The following ARID5B variants were observed in gnomAD, a reference collection of about 807,000 sequenced individuals.
The protein encoded by ARID5B is AT-rich interaction domain 5B.
Under a neutral mutation model 97.2 loss-of-function variants are expected in ARID5B, and 13 were observed. The observed-to-expected ratio is 0.13, with a 90% CI of 0.09 to 0.21. ARID5B has a LOEUF of 0.21. ARID5B is among the 10% of genes least tolerant of loss of function. The probability of loss-of-function intolerance (pLI) is 1.00; values close to 1 mark genes in which losing one functional copy is unlikely to be tolerated. For missense variants in ARID5B, 1,210 were observed against 1,465.3 expected, an observed-to-expected ratio of 0.83 and a Z score of 2.84; for synonymous variants, 556 against 570.3, an observed-to-expected ratio of 0.97 and a Z score of 0.36.
intron 4 of ARID5B, among the ~76,000 whole-genome samples, chr10:62,009,338 C>T (rs1839187584): frequency 6.6e-6 from 1 of 152,196 alleles, no homozygotes; most frequent in Non-Finnish European, 1.5e-5. Flanking sequence ...AGTGCTTATA[C>T]ATTCATTCCT....
intron 3 of ARID5B, among the ~76,000 whole-genome samples, chr10:61,946,478 A>G (rs568568346): frequency 1.3e-5 from 2 of 152,300 alleles, no homozygotes; most frequent in African/African-American, 4.8e-5. Context: ...TATATTAAAG[A>G]GTCTTTTGAA....
intron 3 of ARID5B, among the ~76,000 whole-genome samples, chr10:61,950,016 CT>C (rs574859860): frequency 1.3e-5 from 2 of 151,254 alleles, no homozygotes; most frequent in Non-Finnish European, 1.5e-5. Context: ...ATGTTTTGTT[CT>C]TTTTTTTTGA....
intron 4 of ARID5B, among the ~76,000 whole-genome samples, chr10:62,014,421 T>G (rs1839257548): frequency 6.6e-6 from 1 of 152,152 alleles, no homozygotes; most frequent in Admixed American, 6.5e-5. Flanking sequence ...AGGCAGCGTG[T>G]GGTAAGAAGT....
At chr10:61,923,749 C>T (rs1022937316) in intron 2 of ARID5B, among the ~76,000 whole-genome samples, 1 of 152,132 alleles carries the variant, frequency 6.6e-6, no homozygotes, top group African/African-American at 2.4e-5. Flanking sequence ...GTGTGAGCTG[C>T]ACTTCCCAGG....
intron 3 of ARID5B, among the ~76,000 whole-genome samples, chr10:61,984,635 T>C (rs1479552373): frequency 6.6e-6 from 1 of 152,070 alleles, no homozygotes; most frequent in Non-Finnish European, 1.5e-5. Flanking sequence ...CTCCAATATA[T>C]CCTCCACTCT....
At chr10:62,054,572 G>A (rs1045761593) in intron 5 of ARID5B, among the ~76,000 whole-genome samples, 1 of 152,120 alleles carries the variant, frequency 6.6e-6, no homozygotes, top group African/African-American at 2.4e-5. Context: ...CAGGGAGTCT[G>A]GGTTACTTTG....
At chr10:62,028,376 T>G (rs1270303115) in intron 4 of ARID5B, among the ~76,000 whole-genome samples, 1 of 152,170 alleles carries the variant, frequency 6.6e-6, no homozygotes, top group Non-Finnish European at 1.5e-5. Context: ...GTCACTGCAT[T>G]CTGCTTTTCA....
chr10:61,941,705 C>T (rs185277551), intron 3 of ARID5B, among the ~76,000 whole-genome samples: 100 of 152,262 alleles, frequency 6.6e-4, no homozygotes, highest in African/African-American at 2.1e-3. Flanking sequence ...TAACTATCAA[C>T]GGTTTCCTGG....
chr10:62,046,265 G>A (rs1315839735), intron 4 of ARID5B, among the ~76,000 whole-genome samples: 1 of 152,092 alleles, frequency 6.6e-6, no homozygotes, highest in Non-Finnish European at 1.5e-5. Flanking sequence ...TAAGCCAAAA[G>A]CAATTTACTT....
chr10:61,988,562 A>G lies in ARID5B; in HGVS notation c.503-11529A>G, dbSNP rs138083668. ...TGGGTCTTTGTTGGGGCTTTGGGGT[A>G]TCAGAACAATGAAATAACAGGCACT... On this transcript the variant is annotated intron_variant, in intron 3 of 9. Coordinates refer to ENST00000279873, the MANE Select transcript of ARID5B (RefSeq NM_032199.3). Among the ~76,000 whole-genome samples the G allele has an allele frequency of 6.6e-3, 1,000 of 152,356 alleles. 7 individuals are homozygous for G. The highest frequency in any genetic ancestry group is 9.8e-3 in the Non-Finnish European group (665 of 68,030).
chr10:61,903,342 G>A (rs1001728656), intron 2 of ARID5B, among the ~76,000 whole-genome samples: 19 of 152,174 alleles, frequency 1.2e-4, no homozygotes, highest in African/African-American at 3.9e-4. Flanking sequence ...CCGGGAGGAC[G>A]CCGGAGGTGA....
Position 62,008,327 on chromosome 10 carries a change from C to T in ARID5B, c.733+8006C>T, listed in dbSNP as rs567236323. Reference sequence around the variant, plus strand: ...CATGGCCAGCAATTGGCAAAATCAGCATACGTGCTCAGTGTCCGTGCTCTT... The same window carrying T: ...CATGGCCAGCAATTGGCAAAATCAGTATACGTGCTCAGTGTCCGTGCTCTT... On this transcript the variant is annotated intron_variant, in intron 4 of 9. Transcript: ENST00000279873. Among the ~76,000 whole-genome samples, 3 of 152,200 alleles carry T rather than the reference C, an allele frequency of 2.0e-5. No homozygotes were observed. In the South Asian group the frequency reaches 6.2e-4, roughly 31 times the overall value.
At position 62,086,904 on chromosome 10, in the gene ARID5B, G is replaced by T. The variant is rs1197418736; in HGVS notation, c.1398+1004G>T. Among the ~76,000 whole-genome samples the T allele has an allele frequency of 1.3e-5, 2 of 151,600 alleles. 1 individual carries two copies. The highest frequency in any genetic ancestry group is 4.8e-5 in the African/African-American group (2 of 41,238). On this transcript the variant is annotated intron_variant, in intron 9 of 9. Transcript: ENST00000279873. ...GTCCAGGAAAGGGGACCTTGGAACTGTGGTGCTGTATCCTGCAAGACTCTC... is the reference window on the plus strand; with the variant it reads ...GTCCAGGAAAGGGGACCTTGGAACTTTGGTGCTGTATCCTGCAAGACTCTC...
chr10:62,021,696 C>A (rs956895158), intron 4 of ARID5B, among the ~76,000 whole-genome samples: 1 of 152,168 alleles, frequency 6.6e-6, no homozygotes, highest in Admixed American at 6.5e-5. Context: ...TTTTCTACAA[C>A]AATGTTTATG....
At chr10:62,090,431 G>A (rs1840352690) in intron 9 of ARID5B, among the ~76,000 whole-genome samples, 1 of 152,088 alleles carries the variant, frequency 6.6e-6, no homozygotes, top group East Asian at 1.9e-4. Flanking sequence ...GTTAACATGG[G>A]GTTGGTTGGA....
rs770178655 is a variant in ARID5B, at chr10:62,091,663, C to G, written c.2200C>G (p.Gln734Glu). 2 of 1,614,160 alleles carry G rather than the reference C, an allele frequency of 1.2e-6. No homozygotes were observed. Among genetic ancestry groups the G allele is most frequent in the Non-Finnish European group, 8.5e-7 (1 of 1,180,038 alleles). ...ARDDLCSSLSQTHHGQSTDHM... is the reference protein window; with the variant it reads ...ARDDLCSSLSETHHGQSTDHM... ...GGATGACTTGTGTTCCAGTTTGTCC[C>G]AGACCCACCATGGCCAAAGCACTGA... Residue 734 changes from glutamine to glutamate, a missense_variant, in exon 10 of 10, where the codon CAG becomes GAG. Physicochemically the swap from Gln to Glu is conservative, Grantham distance 29. This residue lies in a region of ARID5B where 800 missense variants were observed against 839.1 expected (regional missense o/e 0.95). Coordinates refer to ENST00000279873, the MANE Select transcript of ARID5B (RefSeq NM_032199.3).
chr10:62,043,712 C>T (rs151221163), intron 4 of ARID5B, among the ~76,000 whole-genome samples: 31 of 152,266 alleles, frequency 2.0e-4, no homozygotes, highest in African/African-American at 7.0e-4. Context: ...CAGAGAGAGA[C>T]GGCGGATCAG....
chr10:61,935,887 G>A (rs1338433199), intron 2 of ARID5B, among the ~76,000 whole-genome samples: 1 of 152,132 alleles, frequency 6.6e-6, no homozygotes, highest in African/African-American at 2.4e-5. Context: ...TTTATATAGA[G>A]AGCGGAGTTC....
At chr10:61,918,565 C>T (rs548563760) in intron 2 of ARID5B, among the ~76,000 whole-genome samples, 2 of 152,326 alleles carry the variant, frequency 1.3e-5, no homozygotes, top group African/African-American at 4.8e-5. Context: ...ATTTGAAAAA[C>T]AGGAACTAAG....
Sources: allele counts gnomAD v4.1 joint callset (sites outside exome capture counted in the v4.1 genomes callset), GRCh38; gene constraint gnomAD v4.1.1; regional missense constraint gnomAD v4.1.1; transcripts MANE v1.5; gene names NCBI Gene and HGNC (gene_info 2026-07-23, HGNC 2026-07-21).